NIFK: variants seen among roughly 807,000 people sequenced by gnomAD.
NIFK encodes the protein nucleolar protein interacting with the FHA domain of MKI67, also known as MKI67 FHA domain-interacting nucleolar phosphoprotein.
Under a neutral mutation model 31.7 loss-of-function variants are expected in NIFK, and 16 were observed. The observed-to-expected ratio is 0.50, with a 90% CI of 0.34 to 0.77. The LOEUF is 0.77. Among genes scored for constraint, NIFK ranks in the 30% least tolerant of loss-of-function variants. The pLI is 0.01. For missense variants in NIFK, 341 were observed against 350.4 expected, an observed-to-expected ratio of 0.97 and a Z score of 0.21; for synonymous variants, 126 against 123.0, an observed-to-expected ratio of 1.02 and a Z score of -0.16.
chr2:121,731,537 G>T (rs539742338), intron 3 of NIFK, among the ~76,000 whole-genome samples: 1 of 152,326 alleles, frequency 6.6e-6, no homozygotes, highest in African/African-American at 2.4e-5. Flanking sequence ...ATTTTGCAAC[G>T]CGATTCCTGA....
At chr2:121,728,814 G>C (rs761078877) in intron 4 of NIFK, among the ~76,000 whole-genome samples, 41 of 152,296 alleles carry the variant, frequency 2.7e-4, no homozygotes, top group Admixed American at 5.2e-4. Context: ...GAAGCAGGAA[G>C]AATGTGCAAA....
At position 121,731,946 on chromosome 2, in the gene NIFK, A is replaced by G. The variant is rs182341488; in HGVS notation, c.352+150T>C. 7.8e-4 allele frequency: 473 copies of G among 602,880 alleles called. 2 individuals carry two copies. The highest frequency in any genetic ancestry group is 2.9e-3 in the South Asian group (142 of 48,264). 37.3% of individuals were successfully genotyped at this position (602,880 alleles called of 1,614,324 possible). Reference sequence around the variant, plus strand: ...AAATTCCAATTAGAATCTGCCTGCAACATACACTGAAATCCTTGCACCATT... The same window carrying G: ...AAATTCCAATTAGAATCTGCCTGCAGCATACACTGAAATCCTTGCACCATT... On this transcript the variant is annotated intron_variant, in intron 3 of 6. Transcript: ENST00000285814.
At position 121,730,894 on chromosome 2, in the gene NIFK, A is replaced by G; in HGVS notation, c.563T>C (p.Leu188Ser). 1.9e-6 allele frequency: 3 copies of G among 1,601,206 alleles called. No homozygotes were observed. Among genetic ancestry groups the G allele is most frequent in the South Asian group, 2.2e-5 (2 of 90,790 alleles). ...KKGIDYDFPS[L>S]ILQKTESISK... ...AAAAAAGATTTCACGAATATTTACC[A>G]AAGAAGGAAAATCATAGTCAATTCC... The change falls in exon 4 of 7, where the codon TTG (leucine) becomes TCG (serine). Residue 188 changes from leucine (L) to serine (S), a missense_variant and splice_region_variant. Coordinates refer to ENST00000285814, the MANE Select transcript of NIFK (RefSeq NM_032390.5).
rs747830669 is a variant in NIFK, at chr2:121,728,249, T to C, written c.693+39A>G. ...TGCTTCTCCTCCTTCAAATTATTTCTATAATATCTGGTGTCTGGAGTATTG... is the reference window on the plus strand; with the variant it reads ...TGCTTCTCCTCCTTCAAATTATTTCCATAATATCTGGTGTCTGGAGTATTG... On this transcript the variant is annotated intron_variant, in intron 6 of 6. Coordinates refer to ENST00000285814, the MANE Select transcript of NIFK (RefSeq NM_032390.5). The C allele has an allele frequency of 4.1e-6, 5 of 1,227,620 alleles. No homozygotes were observed. The East Asian group carries it at 7.1e-5, about 17-fold the overall frequency. The allele number at this position is 1,227,620 out of a possible 1,614,324, so 76.0% of individuals were successfully genotyped here.
In NIFK at chr2:121,727,115, T is replaced by C. The variant is rs918755107; in HGVS notation, c.*609A>G. ...AAATACAATTCTTCACTGATGATAC[T>C]GGTATAAAATGGTGGTTATTAATTC... On this transcript the variant is annotated 3_prime_UTR_variant, in exon 7 of 7. Transcript: ENST00000285814. The C allele has an allele frequency of 5.4e-6, 1 of 186,576 alleles. No homozygotes were observed. The highest frequency in any genetic ancestry group is 5.6e-5 in the Admixed American group (1 of 17,836). 11.6% of individuals were successfully genotyped at this position (186,576 alleles called of 1,614,324 possible).
At chr2:121,729,455 ACATAGC>A (rs570166060) in intron 4 of NIFK, among the ~76,000 whole-genome samples, 59 of 152,202 alleles carry the variant, frequency 3.9e-4, no homozygotes, top group African/African-American at 1.3e-3. Flanking sequence ...ATAATAAAAG[ACATAGC>A]TCTCCTCACT....
chr2:121,735,496 TCTC>T (rs1479319193), intron 2 of NIFK, 114 bp downstream of exon 2: 3 of 1,126,212 alleles, frequency 2.7e-6, no homozygotes, highest in Non-Finnish European at 2.6e-6. Flanking sequence ...CCTCCTCCAC[TCTC>T]CTTTTTGGAA....
At chr2:121,730,359 C>A (rs2106442066) in intron 4 of NIFK, 1 of 156,700 alleles carries the variant, frequency 6.4e-6, no homozygotes, top group South Asian at 1.9e-4. Flanking sequence ...AAGGAGAAAC[C>A]CCGTCTCTAC....
At chr2:121,732,314 T>C (rs781535406) in intron 2 of NIFK, 110 bp from the exon 3 acceptor site, 1 of 660,392 alleles carries the variant, frequency 1.5e-6, no homozygotes, top group Non-Finnish European at 2.7e-6. Flanking sequence ...TTATCAAATA[T>C]TACGTACGAC....
rs774752723 is a variant in NIFK at position 121,728,544 on chromosome 2, AAAG to A, written c.565-11_565-9del. 1.5e-5 allele frequency: 23 copies of A among 1,525,180 alleles called. No homozygotes were observed. Among genetic ancestry groups the A allele is most frequent in the African/African-American group, 8.3e-5 (6 of 71,936 alleles). The allele number at this position is 1,525,180 out of a possible 1,614,324, so 94.5% of individuals were successfully genotyped here. A position where few individuals can be genotyped will look rare whatever the true frequency, so the allele number is the denominator to read the frequency against. ...TTCCGTTTTCTGTAAAATCTTTAAT[AAAG>A]AAGTTAGAAATTGACACTCATATCT... On this transcript the variant is annotated splice_polypyrimidine_tract_variant and intron_variant, in intron 4 of 6. Transcript: ENST00000285814.
chr2:121,731,472 C>G (rs1383263077), intron 3 of NIFK, among the ~76,000 whole-genome samples: 1 of 152,204 alleles, frequency 6.6e-6, no homozygotes, highest in Admixed American at 6.5e-5. Flanking sequence ...GTCACTCCTC[C>G]ACTCCCTCTG....
chr2:121,731,593 C>T (rs555365221), intron 3 of NIFK, among the ~76,000 whole-genome samples: 3 of 152,322 alleles, frequency 2.0e-5, no homozygotes, highest in African/African-American at 7.2e-5. Flanking sequence ...TCGGAACTCG[C>T]TGACTTAGAA....
rs761021777 is a variant in NIFK, at chr2:121,730,894, AAAG to A, written c.560_562del (p.Ser187del). On this transcript the variant is annotated inframe_deletion and splice_region_variant, in exon 4 of 7. Coordinates refer to ENST00000285814, the MANE Select transcript of NIFK (RefSeq NM_032390.5). ...AAAAAAGATTTCACGAATATTTACC[AAAG>A]AAGGAAAATCATAGTCAATTCCTTT... is the stretch of plus-strand genomic sequence containing the variant. 2.5e-6 allele frequency: 4 copies of A among 1,601,206 alleles called. No individual in the cohort carries two copies. Among genetic ancestry groups the A allele is most frequent in the South Asian group, 2.2e-5 (2 of 90,790 alleles).
intron 2 of NIFK, among the ~76,000 whole-genome samples, chr2:121,734,957 G>A (rs1367374610): frequency 2.0e-5 from 3 of 152,154 alleles, no homozygotes; most frequent in Non-Finnish European, 4.4e-5. Flanking sequence ...AATCAAATAG[G>A]TGTCTATGGC....
rs748236848 is a variant in NIFK, at chr2:121,727,840, C to T, written c.766G>A (p.Asp256Asn). 1.2e-6 allele frequency: 2 copies of T among 1,612,492 alleles called. No individual in the cohort carries two copies. Among genetic ancestry groups the T allele is most frequent in the South Asian group, 2.2e-5 (2 of 90,550 alleles). Residue 256 changes from aspartate to asparagine, a missense_variant, in exon 7 of 7, where the codon GAT becomes AAT. Asp to Asn is a conservative substitution (Grantham distance 23). Coordinates refer to ENST00000285814, the MANE Select transcript of NIFK (RefSeq NM_032390.5). ...TTGAAAACTATTTCATCATCTTTAT[C>T]ATCATCATTCAGTTCAGCCACTTGA... ...KSQVAELNDD[D>N]KDDEIVFKQP...
chr2:121,732,308 C>A, intron 2 of NIFK, 104 bp from the exon 3 acceptor site: 1 of 681,190 alleles, frequency 1.5e-6, no homozygotes, highest in South Asian at 1.8e-5. Flanking sequence ...AGCCCCTTAT[C>A]AAATATTACG....
chr2:121,732,116 A>C lies in NIFK; in HGVS notation c.332T>G (p.Phe111Cys). The change falls in exon 3 of 7, where the codon TTT becomes TGT. Residue 111 changes from phenylalanine (F) to cysteine (C), a missense_variant. Physicochemically the swap from Phe to Cys is radical, Grantham distance 205 (BLOSUM62 -2). Transcript: ENST00000285814. ...CTTACACTCCAAGAGTCTTTCACCA[A>C]ACAGGTAGTTGTTCATTGTTTCAGC... is the stretch of plus-strand genomic sequence containing the variant. The part of the protein sequence containing the change: ...IVAETMNNYL[F>C]GERLLECHFM... 3.1e-6 allele frequency: 5 copies of C among 1,608,944 alleles called. No individual in the cohort carries two copies. The highest frequency in any genetic ancestry group is 4.3e-6 in the Non-Finnish European group (5 of 1,175,388).
In NIFK at chr2:121,735,650, C is replaced by T. The variant is rs760620343; in HGVS notation, c.206G>A (p.Gly69Asp). 3.7e-6 allele frequency: 6 copies of T among 1,612,166 alleles called. No individual in the cohort carries two copies. Among genetic ancestry groups the T allele is most frequent in the African/African-American group, 1.3e-5 (1 of 74,828 alleles). ...TQIFSYFSQF[G>D]TVTRFRLSRS... ...GGACAGCCTGAACCGTGTCACAGTG[C>T]CAAACTGGGAGAAATATGAAAAGAT... The change falls in exon 2 of 7, where the codon GGC becomes GAC. Residue 69 changes from glycine (G) to aspartate (D), a missense_variant. Gly to Asp is a moderately conservative substitution (Grantham distance 94). Coordinates refer to ENST00000285814, the MANE Select transcript of NIFK (RefSeq NM_032390.5).
chr2:121,729,383 A>C (rs989209893), intron 4 of NIFK, among the ~76,000 whole-genome samples: 1 of 151,772 alleles, frequency 6.6e-6, no homozygotes, highest in South Asian at 2.1e-4. Context: ...AAAAAAAAAA[A>C]AAGAAAAGAA....
Sources: gnomAD v4.1 joint callset for allele counts (sites outside exome capture counted in the v4.1 genomes callset) on GRCh38, gnomAD v4.1.1 for gene constraint, MANE v1.5 for transcripts, NCBI Gene and HGNC (gene_info 2026-07-23, HGNC 2026-07-21) for gene names.